Variants in CEP135 observed in about 807,000 individuals in gnomAD.
CEP135 encodes the protein centrosomal protein of 135 kDa.
Under a neutral mutation model 157.3 loss-of-function variants are expected in CEP135, and 142 were observed. The observed-to-expected ratio is 0.90, with a 90% confidence interval of 0.79 to 1.04. The LOEUF (loss-of-function observed/expected upper bound fraction) is 1.04. CEP135 is among the 50% of genes least tolerant of loss of function. The pLI is 0.00. For missense variants in CEP135, 1,317 were observed against 1,309.2 expected (o/e 1.01, Z -0.09); for synonymous variants, 396 against 439.8 (o/e 0.90, Z 1.25).
intron 20 of CEP135, 74 bp downstream of exon 20, chr4:56,011,596 A>T: frequency 9.3e-7 from 1 of 1,073,800 alleles, no homozygotes; most frequent in Middle Eastern, 2.1e-4. Context: ...TGCCTCTACA[A>T]TTAGATATTA....
intron 21 of CEP135, among the ~76,000 whole-genome samples, chr4:56,013,067 T>A (rs909295468): frequency 2.0e-5 from 3 of 152,202 alleles, no homozygotes; most frequent in Non-Finnish European, 4.4e-5. Flanking sequence ...GTAATTTTTT[T>A]ATTTTTTATA....
At chr4:55,985,431 TA>T (rs1208589634) in intron 14 of CEP135, 73 bp downstream of exon 14, 1 of 571,366 alleles carries the variant, frequency 1.8e-6, no homozygotes, top group African/African-American at 2.1e-5. Flanking sequence ...TTTAATACAC[TA>T]TTTTTTAATT....
At chr4:56,001,836 GTAT>G (rs1264250460) in intron 17 of CEP135, among the ~76,000 whole-genome samples, 1 of 151,978 alleles carries the variant, frequency 6.6e-6, no homozygotes, top group Non-Finnish European at 1.5e-5. Flanking sequence ...ATTGCTTTGG[GTAT>G]TATTATCATT....
chr4:56,017,517 G>A (rs1324767659), intron 21 of CEP135, 131 bp from the exon 22 acceptor site: 1 of 675,760 alleles, frequency 1.5e-6, no homozygotes, highest in African/African-American at 1.8e-5. Context: ...GCAGCTTCCT[G>A]AGAGTATTTT....
chr4:55,952,431 C>CA (rs1728385095), intron 2 of CEP135, 188 bp downstream of exon 2: 2 of 437,604 alleles, frequency 4.6e-6, no homozygotes, highest in Admixed American at 3.7e-5. Flanking sequence ...GGCCACCACT[C>CA]ACGCTGTACT....
chr4:55,958,725 T>C (rs1170630443), intron 5 of CEP135, among the ~76,000 whole-genome samples: 2 of 152,158 alleles, frequency 1.3e-5, no homozygotes, highest in African/African-American at 2.4e-5. Flanking sequence ...TTGGTTCCAG[T>C]TAACATCAGG....
At chr4:56,009,442 G>A (rs1277402062) in intron 18 of CEP135, among the ~76,000 whole-genome samples, 2 of 152,180 alleles carry the variant, frequency 1.3e-5, no homozygotes, top group Non-Finnish European at 2.9e-5. Context: ...GATTACAGGC[G>A]TGAGCCACCG....
intron 4 of CEP135, among the ~76,000 whole-genome samples, 182 bp downstream of exon 4, chr4:55,954,565 C>T (rs778858555): frequency 1.3e-5 from 2 of 152,076 alleles, no homozygotes; most frequent in Admixed American, 6.5e-5. Context: ...GTAATTTATA[C>T]GTGTGCTTAG....
rs1368577015 is a variant in CEP135, at chr4:55,965,713, A to G, written c.898A>G (p.Thr300Ala). Residue 300 changes from threonine (T) to alanine (A), a missense_variant, in exon 8 of 26, where the codon ACA becomes GCA. Thr to Ala is a moderately conservative substitution (Grantham distance 58). Transcript: ENST00000257287. Reference sequence around the variant, plus strand: ...ACGAGAGCTTATGGAAACCAAGGAAACAGTGACATCTGAAGTCGTTAATTT... The same window carrying G: ...ACGAGAGCTTATGGAAACCAAGGAAGCAGTGACATCTGAAGTCGTTAATTT... ...RIRELMETKE[T>A]VTSEVVNLSN... The G allele has an allele frequency of 1.2e-5, 19 of 1,613,880 alleles. No individual in the cohort carries two copies. Among genetic ancestry groups the G allele is most frequent in the African/African-American group, 2.7e-5 (2 of 74,930 alleles).
intron 10 of CEP135, among the ~76,000 whole-genome samples, chr4:55,972,809 A>C (rs1346246067): frequency 2.0e-5 from 3 of 152,152 alleles, no homozygotes; most frequent in African/African-American, 7.2e-5. Flanking sequence ...AGGCAGGCGG[A>C]TCACCTGAGG....
intron 24 of CEP135, among the ~76,000 whole-genome samples, chr4:56,021,304 C>A (rs1730966513): frequency 6.6e-6 from 1 of 152,032 alleles, no homozygotes; most frequent in African/African-American, 2.4e-5. Flanking sequence ...ATTATGCCTA[C>A]CTTATAGGAA....
At chr4:55,949,111 T>A (rs1380675181) in intron 1 of CEP135, 52 bp downstream of exon 1, 1 of 152,904 alleles carries the variant, frequency 6.5e-6, no homozygotes, top group African/African-American at 2.4e-5. Flanking sequence ...GGTGGCGCCT[T>A]CGCCTTCTGG....
chr4:55,998,294 G>A (rs1200525312), intron 15 of CEP135, among the ~76,000 whole-genome samples: 1 of 152,186 alleles, frequency 6.6e-6, no homozygotes, highest in Non-Finnish European at 1.5e-5. Flanking sequence ...GAAGTCTCAG[G>A]TCAGGGCTAA....
At chr4:55,981,044 C>A (rs970551992) in intron 12 of CEP135, among the ~76,000 whole-genome samples, 183 bp from the exon 13 acceptor site, 1 of 152,156 alleles carries the variant, frequency 6.6e-6, no homozygotes, top group Non-Finnish European at 1.5e-5. Context: ...GTGCCTCCCT[C>A]AATCCCCTTG....
At chr4:55,984,862 AT>A (rs1729524299) in intron 13 of CEP135, among the ~76,000 whole-genome samples, 1 of 152,078 alleles carries the variant, frequency 6.6e-6, no homozygotes, top group Non-Finnish European at 1.5e-5. Flanking sequence ...GCCTTGTAGT[AT>A]TGTGTTTCCT....
intron 21 of CEP135, 87 bp from the exon 22 acceptor site, chr4:56,017,561 A>G (rs1054914619): frequency 2.5e-6 from 3 of 1,190,784 alleles, no homozygotes; most frequent in Admixed American, 2.9e-5. Flanking sequence ...ATATTTTTCT[A>G]AAGTGAGATT....
chr4:56,004,783 T>C lies in CEP135; in HGVS notation c.2281-3544T>C, dbSNP rs368149546. Among the ~76,000 whole-genome samples the C allele has an allele frequency of 5.3e-5, 8 of 152,186 alleles. No individual in the cohort carries two copies. The East Asian group carries it at 9.6e-4, about 18-fold the overall frequency. On this transcript the variant is annotated intron_variant, in intron 17 of 25. Coordinates refer to ENST00000257287, the MANE Select transcript of CEP135 (RefSeq NM_025009.5). ...TTCCATCCATTCACTTTCAGTCTTATTTGTGTCTTTATAGGTGAAGTGGGT... is the reference window on the plus strand; with the variant it reads ...TTCCATCCATTCACTTTCAGTCTTACTTGTGTCTTTATAGGTGAAGTGGGT...
At chr4:55,975,025 G>T in intron 11 of CEP135, 56 bp downstream of exon 11, 16 of 1,263,942 alleles carry the variant, frequency 1.3e-5, no homozygotes, top group South Asian at 6.2e-5. Context: ...AAATTTTTCT[G>T]GTTTATTATT....
intron 21 of CEP135, among the ~76,000 whole-genome samples, chr4:56,016,052 G>C (rs1271153124): frequency 6.6e-6 from 1 of 152,198 alleles, no homozygotes; most frequent in Non-Finnish European, 1.5e-5. Flanking sequence ...CCTAGTGAAT[G>C]ATGGGTGTCC....
Sources: allele counts gnomAD v4.1 joint callset (sites outside exome capture counted in the v4.1 genomes callset), GRCh38; gene constraint gnomAD v4.1.1; transcripts MANE v1.5; gene names NCBI Gene and HGNC (gene_info 2026-07-23, HGNC 2026-07-21).